The following ALDH2 variants were observed in gnomAD, a reference collection of about 807,000 sequenced individuals.
The protein encoded by ALDH2 is aldehyde dehydrogenase 2 family member.
In ALDH2, 44 loss-of-function variants were observed where a neutral mutation model predicts 59.6. The observed-to-expected ratio is 0.74, with a 90% CI of 0.58 to 0.95. ALDH2 has a LOEUF of 0.95. ALDH2 is among the 40% of genes least tolerant of loss of function. The probability of loss-of-function intolerance (pLI) is 0.00; values close to 1 mark genes in which losing one functional copy is unlikely to be tolerated. For missense variants in ALDH2, 570 were observed against 696.3 expected (o/e 0.82, Z 2.04); for synonymous variants, 291 against 284.0 (o/e 1.02, Z -0.25).
chr12:111,775,577 A>T, intron 1 of ALDH2: 1 of 434,568 alleles, frequency 2.3e-6, no homozygotes, highest in Non-Finnish European at 4.6e-6. Context: ...GAGTATTTTG[A>T]TAGAAAATCT....
At chr12:111,802,411 C>CAA (rs58247934) in intron 11 of ALDH2, among the ~76,000 whole-genome samples, 6 of 86,598 alleles carry the variant, frequency 6.9e-5, no homozygotes, top group Admixed American at 1.2e-4. Flanking sequence ...GACTCTGTCT[C>CAA]AAAAAAAAAA....
intron 5 of ALDH2, 72 bp downstream of exon 5, chr12:111,790,006 G>C: frequency 6.9e-7 from 1 of 1,455,446 alleles, no homozygotes; most frequent in Middle Eastern, 2.2e-4. Context: ...CATTGCAGAG[G>C]TTCTGGGGTG....
intron 12 of ALDH2, among the ~76,000 whole-genome samples, chr12:111,809,081 A>T (rs2068517184): frequency 1.3e-5 from 2 of 152,138 alleles, no homozygotes; most frequent in African/African-American, 4.8e-5. Flanking sequence ...ATCTAGGGAG[A>T]TGGGCTTGGA....
chr12:111,780,123 C>A (rs369168435), intron 1 of ALDH2, among the ~76,000 whole-genome samples: 1 of 152,096 alleles, frequency 6.6e-6, no homozygotes, highest in South Asian at 2.1e-4. Flanking sequence ...AAACTCTGGA[C>A]CTAAGGTGAT....
intron 12 of ALDH2, among the ~76,000 whole-genome samples, chr12:111,804,864 G>A (rs2068481765): frequency 6.6e-6 from 1 of 151,978 alleles, no homozygotes; most frequent in African/African-American, 2.4e-5. Context: ...TTAGGCATGA[G>A]ATATCAAGGC....
At chr12:111,786,948 T>C (rs540013777) in intron 4 of ALDH2, among the ~76,000 whole-genome samples, 3 of 152,084 alleles carry the variant, frequency 2.0e-5, no homozygotes, top group Non-Finnish European at 4.4e-5. Flanking sequence ...CTCACACCTG[T>C]AATCCTAGCA....
At chr12:111,791,043 G>A (rs1276654081) in intron 6 of ALDH2, among the ~76,000 whole-genome samples, 1 of 151,850 alleles carries the variant, frequency 6.6e-6, no homozygotes, top group Non-Finnish European at 1.5e-5. Context: ...AGAGAGACTC[G>A]GTCTCAAAAA....
At chr12:111,776,490 G>A (rs75809969) in intron 1 of ALDH2, among the ~76,000 whole-genome samples, 155 of 152,206 alleles carry the variant, frequency 1.0e-3, no homozygotes, top group African/African-American at 3.5e-3. Context: ...GCCGGGCATG[G>A]TGGCGCACAG....
chr12:111,776,353 A>G (rs1275393179), intron 1 of ALDH2, among the ~76,000 whole-genome samples: 4 of 152,186 alleles, frequency 2.6e-5, no homozygotes, highest in Admixed American at 2.0e-4. Flanking sequence ...TAGCTTAGGA[A>G]CTGTACACTC....
intron 6 of ALDH2, 133 bp from the exon 7 acceptor site, chr12:111,791,173 T>C: frequency 1.5e-6 from 1 of 664,806 alleles, no homozygotes; most frequent in Admixed American, 2.5e-5. Flanking sequence ...TAGTGCCCCA[T>C]ACAATTAGCT....
At chr12:111,771,486 A>T (rs1469654485) in intron 1 of ALDH2, among the ~76,000 whole-genome samples, 4 of 152,228 alleles carry the variant, frequency 2.6e-5, no homozygotes, top group Non-Finnish European at 5.9e-5. Context: ...AAATAGATGA[A>T]CACCTATGTT....
Position 111,798,150 on chromosome 12 carries a change from T to C in ALDH2, c.1156T>C (p.Cys386Arg), listed in dbSNP as rs772390903. The change falls in exon 10 of 13, where the codon TGT becomes CGT. Residue 386 changes from cysteine (C) to arginine (R), a missense_variant. Cys to Arg is a radical substitution (Grantham distance 180, BLOSUM62 -3). Transcript: ENST00000261733. Reference sequence around the variant, plus strand: ...GAAGCAAGAGGGGGCGAAGCTGCTGTGTGGTGGGGGCATTGCTGCTGACCG... The same window carrying C: ...GAAGCAAGAGGGGGCGAAGCTGCTGCGTGGTGGGGGCATTGCTGCTGACCG... ...TGKQEGAKLL[C>R]GGGIAADRGY... 1 of 1,613,560 alleles carries C rather than the reference T, an allele frequency of 6.2e-7. No homozygotes were observed. Among genetic ancestry groups the C allele is most frequent in the Non-Finnish European group, 8.5e-7 (1 of 1,179,716 alleles).
chr12:111,781,115 G>GA lies in ALDH2; in HGVS notation c.115-795dup, dbSNP rs948470523. 5.9e-5 allele frequency among the ~76,000 whole-genome samples: 9 copies of GA among 151,392 alleles called. No individual in the cohort carries two copies. The East Asian group carries it at 1.2e-3, about 20-fold the overall frequency. ...TGGAGTGAGACCCTGTCTCAAAAAAGAAAAAAAACAATAAAAAGAATAATC... is the reference window on the plus strand; with the variant it reads ...TGGAGTGAGACCCTGTCTCAAAAAAGAAAAAAAAACAATAAAAAGAATAATC... On this transcript the variant is annotated intron_variant, in intron 1 of 12. Transcript: ENST00000261733.
intron 9 of ALDH2, among the ~76,000 whole-genome samples, chr12:111,796,939 G>A (rs1334571849): frequency 6.6e-6 from 1 of 150,572 alleles, no homozygotes; most frequent in Non-Finnish European, 1.5e-5. Context: ...GTATATAAGT[G>A]CATATTGTTC....
chr12:111,772,022 C>T (rs1314567679), intron 1 of ALDH2, among the ~76,000 whole-genome samples: 2 of 152,028 alleles, frequency 1.3e-5, no homozygotes, highest in East Asian at 3.9e-4. Flanking sequence ...TCACTTTAAC[C>T]CGGGAGGCAG....
chr12:111,807,063 C>A (rs559419923), intron 12 of ALDH2, among the ~76,000 whole-genome samples: 6 of 151,578 alleles, frequency 4.0e-5, no homozygotes, highest in Non-Finnish European at 8.8e-5. Flanking sequence ...TCAGAAGATC[C>A]AGACCATCCT....
Position 111,789,893 on chromosome 12 carries a change from A to G in ALDH2, c.511A>G (p.Thr171Ala), listed in dbSNP as rs375708006. ...IPIDGDFFSY[T>A]RHEPVGVCGQ... ...CATTGACGGAGACTTCTTCAGCTAC[A>G]CACGCCATGAACCTGTGGGGGTGTG... Residue 171 changes from threonine to alanine, a missense_variant, in exon 5 of 13, where the codon ACA becomes GCA. Physicochemically the swap from Thr to Ala is moderately conservative, Grantham distance 58 (BLOSUM62 0). Coordinates refer to ENST00000261733, the MANE Select transcript of ALDH2 (RefSeq NM_000690.4). The G allele has an allele frequency of 6.2e-7, 1 of 1,614,056 alleles. No homozygotes were observed. Among genetic ancestry groups the G allele is most frequent in the African/African-American group, 1.3e-5 (1 of 74,924 alleles).
At chr12:111,791,254 C>G (rs1001696628) in intron 6 of ALDH2, 52 bp from the exon 7 acceptor site, 1 of 1,368,708 alleles carries the variant, frequency 7.3e-7, no homozygotes, top group African/African-American at 1.4e-5. Context: ...CCTGGTTGAG[C>G]CCTTCAGAAT....
At chr12:111,806,848 G>A (rs1024906411) in intron 12 of ALDH2, among the ~76,000 whole-genome samples, 2 of 152,012 alleles carry the variant, frequency 1.3e-5, no homozygotes, top group Non-Finnish European at 1.5e-5. Flanking sequence ...GCATGTGTCT[G>A]TGGTCCCAGC....
Sources: allele counts gnomAD v4.1 joint callset (sites outside exome capture counted in the v4.1 genomes callset), GRCh38; gene constraint gnomAD v4.1.1; transcripts MANE v1.5; gene names NCBI Gene and HGNC (gene_info 2026-07-23, HGNC 2026-07-21).